CAV1: variants seen among roughly 807,000 people sequenced by gnomAD.
The protein encoded by CAV1 is caveolin 1.
Under a neutral mutation model 16.5 loss-of-function variants are expected in CAV1, and 10 were observed. That is an observed-to-expected ratio of 0.61 (90% CI 0.37 to 1.03). CAV1 has a LOEUF of 1.03. CAV1 is among the 50% of genes least tolerant of loss of function. CAV1 has a pLI of 0.01. For missense variants in CAV1, 212 were observed against 232.8 expected, an observed-to-expected ratio of 0.91 and a Z score of 0.58; for synonymous variants, 76 against 85.1, an observed-to-expected ratio of 0.89 and a Z score of 0.59.
intron 2 of CAV1, among the ~76,000 whole-genome samples, chr7:116,536,980 G>A (rs952073675): frequency 3.5e-5 from 5 of 142,962 alleles, no homozygotes; most frequent in Admixed American, 7.2e-5. Context: ...TCCGCAGTCC[G>A]GCCTGGGCAA....
intron 2 of CAV1, among the ~76,000 whole-genome samples, chr7:116,554,840 G>A (rs1319844839): frequency 6.6e-6 from 1 of 152,112 alleles, no homozygotes; most frequent in Non-Finnish European, 1.5e-5. Context: ...ATCTATCTGG[G>A]TGAAAACTAA....
At chr7:116,549,866 A>C (rs1794124836) in intron 2 of CAV1, among the ~76,000 whole-genome samples, 1 of 152,188 alleles carries the variant, frequency 6.6e-6, no homozygotes, top group African/African-American at 2.4e-5. Flanking sequence ...ACCTTGCCCT[A>C]AGTCCTGGTC....
At chr7:116,529,230 A>G (rs964156267) in intron 2 of CAV1, among the ~76,000 whole-genome samples, 3 of 152,196 alleles carry the variant, frequency 2.0e-5, no homozygotes, top group African/African-American at 2.4e-5. Context: ...AAAACTTCAC[A>G]TAATAAGAAA....
intron 2 of CAV1, among the ~76,000 whole-genome samples, chr7:116,529,009 T>C (rs1793629639): frequency 6.6e-6 from 1 of 152,052 alleles, no homozygotes; most frequent in African/African-American, 2.4e-5. Flanking sequence ...TTTGTATTTT[T>C]AGTGGAGACG....
chr7:116,527,096 A>G, intron 2 of CAV1: 1 of 296,466 alleles, frequency 3.4e-6, no homozygotes, highest in Non-Finnish European at 6.6e-6. Flanking sequence ...TAAGACAGTC[A>G]GATAATTGTG....
chr7:116,555,476 GAGGAAAGAA>G (rs1291458454), intron 2 of CAV1, among the ~76,000 whole-genome samples: 10,023 of 36,286 alleles, frequency 0.28, 3,952 homozygotes, highest in East Asian at 0.4. Flanking sequence ...AGGAAGGAAG[GAGGAAAGAA>G]AAGAAAGAAA....
At chr7:116,527,017 G>T (rs1793578668) in intron 2 of CAV1, 1 of 388,922 alleles carries the variant, frequency 2.6e-6, no homozygotes, top group Non-Finnish European at 4.9e-6. Context: ...TACTCCTTGG[G>T]ACGGTGAGAT....
intron 2 of CAV1, among the ~76,000 whole-genome samples, chr7:116,539,184 G>A (rs1264986862): frequency 6.6e-6 from 1 of 152,094 alleles, no homozygotes; most frequent in Non-Finnish European, 1.5e-5. Context: ...CTCAGAATCA[G>A]CATCTCTTCT....
Position 116,530,217 on chromosome 7 carries a change from T to C in CAV1, c.195+3528T>C, listed in dbSNP as rs548122510. On this transcript the variant is annotated intron_variant, in intron 2 of 2. Coordinates refer to ENST00000341049, the MANE Select transcript of CAV1 (RefSeq NM_001753.5). ...TGATTGGTCCTTTTTCCTTTTTTTT[T>C]TTTTGCCTTGACTGCCAGGAAGCAG... is the stretch of plus-strand genomic sequence containing the variant. 3.4e-4 allele frequency among the ~76,000 whole-genome samples: 51 copies of C among 150,444 alleles called. 2 individuals carry two copies. In the South Asian group the frequency reaches 6.5e-3, roughly 19 times the overall value.
chr7:116,544,924 C>T (rs983260339), intron 2 of CAV1, among the ~76,000 whole-genome samples: 2 of 152,140 alleles, frequency 1.3e-5, no homozygotes, highest in African/African-American at 4.8e-5. Flanking sequence ...AGCTCATTGA[C>T]CTTGTCCTGG....
chr7:116,555,485 A>AGGAAGGAAGG (rs1438424267), intron 2 of CAV1, among the ~76,000 whole-genome samples: 1 of 7,902 alleles, frequency 1.3e-4, no homozygotes, highest in East Asian at 6.3e-3. Context: ...GGAGGAAAGA[A>AGGAAGGAAGG]AAGAAAGAAA....
chr7:116,556,370 G>A (rs752329097), intron 2 of CAV1, among the ~76,000 whole-genome samples: 10 of 152,072 alleles, frequency 6.6e-5, no homozygotes, highest in Admixed American at 2.6e-4. Flanking sequence ...TTTTATTAAC[G>A]TGCCTTTTAA....
intron 2 of CAV1, among the ~76,000 whole-genome samples, chr7:116,535,331 C>T (rs1793787466): frequency 6.6e-6 from 1 of 152,156 alleles, no homozygotes; most frequent in Admixed American, 6.5e-5. Context: ...TCTCTAATGT[C>T]ACTCGTCTGC....
At chr7:116,534,378 TATATA>T (rs1793753971) in intron 2 of CAV1, among the ~76,000 whole-genome samples, 1 of 15,142 alleles carries the variant, frequency 6.6e-5, no homozygotes, top group Non-Finnish European at 1.5e-4. Context: ...TATATATATA[TATATA>T]TATATATATA....
chr7:116,530,207 C>CTTTTTTTTTTTTTTTTTT (rs1423844927), intron 2 of CAV1, among the ~76,000 whole-genome samples: 1 of 35,114 alleles, frequency 2.8e-5, no homozygotes, highest in Non-Finnish European at 6.2e-5. Context: ...GGTCCTTTTT[C>CTTTTTTTTTTTTTTTTTT]CTTTTTTTTT....
At position 116,535,123 on chromosome 7, in the gene CAV1, C is replaced by T. The variant is rs548976401; in HGVS notation, c.195+8434C>T. Among the ~76,000 whole-genome samples, 5 of 152,232 alleles carry T rather than the reference C, an allele frequency of 3.3e-5. No individual in the cohort carries two copies. In the South Asian group the frequency reaches 6.2e-4, roughly 19 times the overall value. ...TACAGACTAGCCAGCACTACTCAGC[C>T]GCAAGTAATAGCATCCAGGCATGCT... On this transcript the variant is annotated intron_variant, in intron 2 of 2. Transcript: ENST00000341049.
intron 2 of CAV1, among the ~76,000 whole-genome samples, chr7:116,555,737 G>A (rs1191964900): frequency 2.0e-5 from 3 of 150,666 alleles, no homozygotes; most frequent in African/African-American, 7.4e-5. Flanking sequence ...ACTATTTTTT[G>A]GGCATTTACT....
chr7:116,538,455 A>G (rs1374893065), intron 2 of CAV1, among the ~76,000 whole-genome samples: 1 of 152,238 alleles, frequency 6.6e-6, no homozygotes, highest in Admixed American at 6.5e-5. Context: ...ATACCAAAAT[A>G]TGTCAAGGAA....
At chr7:116,550,768 T>G (rs1794143943) in intron 2 of CAV1, among the ~76,000 whole-genome samples, 1 of 152,146 alleles carries the variant, frequency 6.6e-6, no homozygotes, top group Non-Finnish European at 1.5e-5. Context: ...TATTTAATCT[T>G]TTTTTAAAAA....
Sources: allele counts gnomAD v4.1 joint callset (sites outside exome capture counted in the v4.1 genomes callset), GRCh38; gene constraint gnomAD v4.1.1; transcripts MANE v1.5; gene names NCBI Gene and HGNC (gene_info 2026-07-23, HGNC 2026-07-21).